CDKL5: variants seen among roughly 807,000 people sequenced by gnomAD.
CDKL5 encodes the protein cyclin-dependent kinase-like 5.
In CDKL5, 8 loss-of-function variants were observed where a neutral mutation model predicts 61.7. The ratio of observed to expected loss-of-function variants is 0.13; its 90% CI spans 0.08 to 0.23. The LOEUF is 0.23. CDKL5 is among the 10% of genes least tolerant of loss of function. The pLI, the probability that CDKL5 is intolerant of heterozygous loss-of-function variation, is 1.00. For missense variants in CDKL5, 440 were observed against 734.5 expected, an observed-to-expected ratio of 0.60 and a Z score of 4.63; for synonymous variants, 275 against 272.3, an observed-to-expected ratio of 1.01 and a Z score of -0.10.
At position 18,619,763 on chromosome X, in the gene CDKL5, T is replaced by C; in HGVS notation, c.2277-104T>C. 9.2e-6 allele frequency: 5 copies of C among 544,247 alleles called. No homozygotes were observed. The South Asian group carries it at 1.1e-4, about 12-fold the overall frequency. The allele number at this position is 544,247 out of a possible 1,213,427, so 44.9% of individuals were successfully genotyped here. On this transcript the variant is annotated intron_variant, in intron 15 of 17. Transcript: ENST00000623535. ...ACCCAAGTGTTTGATTCTTCCCGGC[T>C]ATAGGAACCTAGTGTCATGCATTTT...
chrX:18,537,458 G>A (rs1463284520), intron 3 of CDKL5, among the ~76,000 whole-genome samples: 1 of 111,620 alleles, frequency 9.0e-6, no homozygotes, highest in Non-Finnish European at 1.9e-5. Flanking sequence ...GTATAGTATC[G>A]TAACTAGAAA....
At chrX:18,591,759 C>T (rs1436058338) in intron 9 of CDKL5, among the ~76,000 whole-genome samples, 1 of 111,400 alleles carries the variant, frequency 9.0e-6, no homozygotes, top group Non-Finnish European at 1.9e-5. Context: ...TCCCAACACT[C>T]ACCTGTCTTT....
chrX:18,482,396 T>G (rs1473001196), intron 1 of CDKL5, among the ~76,000 whole-genome samples: 1 of 112,263 alleles, frequency 8.9e-6, no homozygotes, highest in Admixed American at 9.5e-5. Context: ...ACAACAGTTC[T>G]TTAGAATTTA....
At chrX:18,609,383 G>A (rs1926467899) in intron 13 of CDKL5, 82 bp from the exon 14 acceptor site, 1 of 1,203,096 alleles carries the variant, frequency 8.3e-7, no homozygotes, top group South Asian at 1.8e-5. Context: ...AATAGAGTGA[G>A]ACCCTGTCTC....
At chrX:18,587,198 T>G in intron 8 of CDKL5, among the ~76,000 whole-genome samples, 1 of 111,314 alleles carries the variant, frequency 9.0e-6, no homozygotes, top group Non-Finnish European at 1.9e-5. Flanking sequence ...GCTGTAAATT[T>G]AACACTCTAG....
intron 1 of CDKL5, among the ~76,000 whole-genome samples, chrX:18,482,495 T>TTA (rs1421154297): frequency 9.0e-6 from 1 of 111,728 alleles, no homozygotes; most frequent in African/African-American, 3.2e-5. Context: ...CTACTTCCAT[T>TTA]TATAGTCCTG....
chrX:18,528,530 A>T (rs924951824), intron 3 of CDKL5, among the ~76,000 whole-genome samples: 1 of 110,556 alleles, frequency 9.0e-6, no homozygotes, highest in South Asian at 3.8e-4. Flanking sequence ...GATTAGTGTT[A>T]TCGTGGTATA....
chrX:18,623,247 T>C (rs1472481567), intron 16 of CDKL5, among the ~76,000 whole-genome samples: 1 of 112,146 alleles, frequency 8.9e-6, no homozygotes, highest in Non-Finnish European at 1.9e-5. Flanking sequence ...AATTTCTGTT[T>C]CTTCTCTTTG....
chrX:18,565,383 TCTA>T (rs1924935980), intron 4 of CDKL5, among the ~76,000 whole-genome samples: 1 of 112,214 alleles, frequency 8.9e-6, no homozygotes. Flanking sequence ...TGTGAAGCTC[TCTA>T]CTTTCTGTTC....
chrX:18,645,665 C>T (rs918879532), intron 19 of CDKL5, among the ~76,000 whole-genome samples: 1 of 111,372 alleles, frequency 9.0e-6, no homozygotes, highest in Non-Finnish European at 1.9e-5. Context: ...CAACTACTCT[C>T]CCTGGATTGC....
chrX:18,535,188 T>C (rs1158401782), intron 3 of CDKL5: 1 of 116,946 alleles, frequency 8.6e-6, no homozygotes, highest in Admixed American at 9.2e-5. Context: ...AGTACTGCAG[T>C]TGAGTCAGCC....
Position 18,650,511 on chromosome X carries a change from C to G in CDKL5, c.2899C>G (p.Leu967Val), listed in dbSNP as rs769305518. 3 of 1,210,651 alleles carry G rather than the reference C, an allele frequency of 2.5e-6. No individual in the cohort carries two copies. The highest frequency in any genetic ancestry group is 1.1e-6 in the Non-Finnish European group (1 of 895,260). The change falls in exon 21 of 22, where the codon CTC becomes GTC. Residue 967 changes from leucine to valine, a missense_variant. Leu to Val is a conservative substitution (Grantham distance 32). Transcript: ENST00000379989. ...CTCCAGTCCTGCTCCCTATCCAGTACTCCAGGTCCGAGGCACTTCCATGTG... is the reference window on the plus strand; with the variant it reads ...CTCCAGTCCTGCTCCCTATCCAGTAGTCCAGGTCCGAGGCACTTCCATGTG...
intron 1 of CDKL5, among the ~76,000 whole-genome samples, chrX:18,494,206 G>A (rs1426075303): frequency 1.8e-5 from 2 of 110,844 alleles, no homozygotes; most frequent in East Asian, 2.9e-4. Context: ...GTGAGCCAGC[G>A]CCCCTGGCTC....
rs967676123 is a variant in CDKL5 at position 18,631,138 on chromosome X, C to T, written c.*2381C>T. On this transcript the variant is annotated 3_prime_UTR_variant, in exon 18 of 18. Transcript: ENST00000623535. ...CTAACACTGGGATCTCAGATGTTTGCAGAACATTTCTATTCATGACGGTTC... is the reference window on the plus strand; with the variant it reads ...CTAACACTGGGATCTCAGATGTTTGTAGAACATTTCTATTCATGACGGTTC... 12 of 750,642 alleles carry T rather than the reference C, an allele frequency of 1.6e-5. No individual in the cohort carries two copies. The highest frequency in any genetic ancestry group is 3.0e-4 in the East Asian group (2 of 6,559). 61.9% of individuals were successfully genotyped at this position (750,642 alleles called of 1,213,427 possible). A position where few individuals can be genotyped will look rare whatever the true frequency, so the allele number is the denominator to read the frequency against.
intron 1 of CDKL5, among the ~76,000 whole-genome samples, chrX:18,485,723 G>A (rs913330212): frequency 1.8e-5 from 2 of 111,653 alleles, no homozygotes; most frequent in Admixed American, 1.9e-4. Flanking sequence ...GGGAATCTTG[G>A]CTTAAGGGAA....
At chrX:18,528,585 CCT>C (rs752729307) in intron 3 of CDKL5, among the ~76,000 whole-genome samples, 83 of 103,062 alleles carry the variant, frequency 8.1e-4, no homozygotes, top group African/African-American at 5.9e-4. Flanking sequence ...TCCCTCCCTG[CCT>C]CTCTCTCTCT....
chrX:18,629,822 T>A lies in CDKL5; in HGVS notation c.*1065T>A, dbSNP rs999822216. On this transcript the variant is annotated 3_prime_UTR_variant, in exon 18 of 18. Coordinates refer to ENST00000623535, the MANE Select transcript of CDKL5 (RefSeq NM_001323289.2). ...TACTTGCACACAGGGGAGAATAGAT[T>A]GAGGCGTTACTCGTGGGTCTTTGTA... 2 of 754,369 alleles carry A rather than the reference T, an allele frequency of 2.7e-6. No homozygotes were observed. The highest frequency in any genetic ancestry group is 4.6e-5 in the African/African-American group (2 of 43,872). 62.2% of individuals were successfully genotyped at this position (754,369 alleles called of 1,213,427 possible). A position where few individuals can be genotyped will look rare whatever the true frequency, so the allele number is the denominator to read the frequency against.
chrX:18,572,979 A>C (rs1456310528), intron 4 of CDKL5, among the ~76,000 whole-genome samples: 1 of 111,978 alleles, frequency 8.9e-6, no homozygotes, highest in East Asian at 2.8e-4. Flanking sequence ...ATGGAGGCCT[A>C]CTTGCTTTTG....
intron 1 of CDKL5, among the ~76,000 whole-genome samples, chrX:18,494,857 C>T (rs746399544): frequency 2.4e-4 from 27 of 112,136 alleles, no homozygotes; most frequent in African/African-American, 8.1e-4. Flanking sequence ...AATCAAGTTA[C>T]TCTCCACTTT....
Sources: allele counts gnomAD v4.1 joint callset (sites outside exome capture counted in the v4.1 genomes callset), GRCh38; gene constraint gnomAD v4.1.1; transcripts MANE v1.5; gene names NCBI Gene and HGNC (gene_info 2026-07-23, HGNC 2026-07-21).